Variants in CLK2 observed in about 807,000 individuals in gnomAD.
CLK2 encodes the protein CDC like kinase 2, also known as dual specificity protein kinase CLK2.
In CLK2, 12 loss-of-function variants were observed where a neutral mutation model predicts 73.5. That is an observed-to-expected ratio of 0.16 (90% CI 0.10 to 0.26). CLK2 has a LOEUF of 0.26. CLK2 is among the 10% of genes least tolerant of loss of function. The probability of loss-of-function intolerance (pLI) is 1.00; values close to 1 mark genes in which losing one functional copy is unlikely to be tolerated. For synonymous variants in CLK2, 232 were observed against 237.9 expected, an observed-to-expected ratio of 0.98 and a Z score of 0.23; for missense variants, 509 against 688.4, an observed-to-expected ratio of 0.74 and a Z score of 2.92.
Position 155,268,900 on chromosome 1 carries a change from G to T in CLK2, c.400-105C>A. 1.4e-6 allele frequency: 1 copy of T among 710,272 alleles called. No individual in the cohort carries two copies. 44.0% of individuals were successfully genotyped at this position (710,272 alleles called of 1,614,324 possible). A position where few individuals can be genotyped will look rare whatever the true frequency, so the allele number is the denominator to read the frequency against. On this transcript the variant is annotated intron_variant, in intron 3 of 12. Coordinates refer to ENST00000368361, the MANE Select transcript of CLK2 (RefSeq NM_001294338.2). This position sits in a 1 kb window ranked among gnomAD's most constrained non-coding sequence, Gnocchi z 5.6. Reference sequence around the variant, plus strand: ...GTCACCGGTCACAGGCGCCCAGCCAGGGGGGACAGACGATGATGGGGGACA... The same window carrying T: ...GTCACCGGTCACAGGCGCCCAGCCATGGGGGACAGACGATGATGGGGGACA...
At chr1:155,263,499 T>A (rs1306269768) in intron 12 of CLK2, 99 bp from the exon 13 acceptor site, 1 of 1,498,098 alleles carries the variant, frequency 6.7e-7, no homozygotes, top group Non-Finnish European at 8.9e-7. Flanking sequence ...AAGGCTCTGC[T>A]TGCAACCAAT....
intron 6 of CLK2, 118 bp from the exon 7 acceptor site, chr1:155,267,013 A>G: frequency 8.7e-7 from 1 of 1,146,158 alleles, no homozygotes; most frequent in South Asian, 1.5e-5. Context: ...AAACCATGCC[A>G]GCTAGTACTA....
chr1:155,264,119 G>C lies in CLK2; in HGVS notation c.1227-79C>G. 2.6e-6 allele frequency: 4 copies of C among 1,545,834 alleles called. No homozygotes were observed. In the South Asian group the frequency reaches 3.3e-5, roughly 13 times the overall value. ...CTTATTTCCCCATCTGAAAGTAACT[G>C]GGGGGAGAGGAGGTATCAAAGAAAA... is the stretch of plus-strand genomic sequence containing the variant. On this transcript the variant is annotated intron_variant, in intron 11 of 12. Transcript: ENST00000368361.
At chr1:155,266,254 T>G (rs914703478) in intron 7 of CLK2, among the ~76,000 whole-genome samples, 21 of 152,224 alleles carry the variant, frequency 1.4e-4, no homozygotes, top group African/African-American at 5.1e-4. Flanking sequence ...TCTGTGAAAC[T>G]GTATTATTTT....
chr1:155,269,540 C>T lies in CLK2; in HGVS notation c.347G>A (p.Arg116Lys). Reference protein sequence around the residue: ...SSYRSQRSSRRKHRRRRRRSR... With the variant: ...SSYRSQRSSRKKHRRRRRRSR... Reference sequence around the variant, plus strand: ...GCGCCTCCTCCGCCGTCTGTGCTTCCTCCGGCTGCTGCGCTGGCTGCGGTA... The same window carrying T: ...GCGCCTCCTCCGCCGTCTGTGCTTCTTCCGGCTGCTGCGCTGGCTGCGGTA... Residue 116 changes from arginine (R) to lysine (K), a missense_variant, in exon 3 of 13, where the codon AGG becomes AAG. Arg to Lys is a conservative substitution (Grantham distance 26). Transcript: ENST00000368361. 1 of 1,614,144 alleles carries T rather than the reference C, an allele frequency of 6.2e-7. No homozygotes were observed. Among genetic ancestry groups the T allele is most frequent in the South Asian group, 1.1e-5 (1 of 91,082 alleles).
chr1:155,268,177 A>C lies in CLK2; in HGVS notation c.555-51T>G. 1 of 1,578,018 alleles carries C rather than the reference A, an allele frequency of 6.3e-7. No individual in the cohort carries two copies. Among genetic ancestry groups the C allele is most frequent in the Non-Finnish European group, 8.7e-7 (1 of 1,147,106 alleles). Reference sequence around the variant, plus strand: ...GCTGGGTTCTCAAGAATGTCTCAAAATGAACAGGGCTGTAGGGGGACTAAG... The same window carrying C: ...GCTGGGTTCTCAAGAATGTCTCAAACTGAACAGGGCTGTAGGGGGACTAAG... On this transcript the variant is annotated intron_variant, in intron 5 of 12. Transcript: ENST00000368361. This position sits in a 1 kb window ranked among gnomAD's most constrained non-coding sequence, Gnocchi z 5.6.
chr1:155,268,299 T>C lies in CLK2; in HGVS notation c.548A>G (p.His183Arg). 1 of 1,614,088 alleles carries C rather than the reference T, an allele frequency of 6.2e-7. No homozygotes were observed. Among genetic ancestry groups the C allele is most frequent in the Non-Finnish European group, 8.5e-7 (1 of 1,179,932 alleles). Reference protein sequence around the residue: ...TFGRVVQCVDHRRGGARVALK... With the variant: ...TFGRVVQCVDRRRGGARVALK... The stretch of plus-strand genomic sequence containing the variant: ...GGGAGGGACTGACAGTTACCTGCGA[T>C]GGTCAACACATTGTACAACTCGGCC... The change falls in exon 5 of 13, where the codon CAT becomes CGT. Residue 183 changes from histidine (H) to arginine (R), a missense_variant. By Grantham distance (29) the His-to-Arg change is conservative. This residue lies in a region of CLK2 where 76 missense variants were observed against 126.4 expected (regional missense o/e 0.60). Transcript: ENST00000368361. This position sits in a 1 kb window ranked among gnomAD's most constrained non-coding sequence, Gnocchi z 5.6.
At position 155,268,210 on chromosome 1, in the gene CLK2, A is replaced by T; in HGVS notation, c.554+83T>A. On this transcript the variant is annotated intron_variant, in intron 5 of 12. Transcript: ENST00000368361. This position sits in a 1 kb window ranked among gnomAD's most constrained non-coding sequence, Gnocchi z 5.6. Reference sequence around the variant, plus strand: ...GGCTGTAGGGGGACTAAGAAATTCTACCTCAGGTTAATTAGCAAAAAAGCC... The same window carrying T: ...GGCTGTAGGGGGACTAAGAAATTCTTCCTCAGGTTAATTAGCAAAAAAGCC... 1 of 1,554,978 alleles carries T rather than the reference A, an allele frequency of 6.4e-7. No homozygotes were observed. The highest frequency in any genetic ancestry group is 8.9e-7 in the Non-Finnish European group (1 of 1,126,464).
rs1572017648 is a variant in CLK2 at position 155,268,178 on chromosome 1, T to C, written c.555-52A>G. 6.4e-7 allele frequency: 1 copy of C among 1,574,582 alleles called. No individual in the cohort carries two copies. Among genetic ancestry groups the C allele is most frequent in the Non-Finnish European group, 8.7e-7 (1 of 1,144,068 alleles). On this transcript the variant is annotated intron_variant, in intron 5 of 12. Coordinates refer to ENST00000368361, the MANE Select transcript of CLK2 (RefSeq NM_001294338.2). This position sits in a 1 kb window ranked among gnomAD's most constrained non-coding sequence, Gnocchi z 5.6. The stretch of plus-strand genomic sequence containing the variant: ...CTGGGTTCTCAAGAATGTCTCAAAA[T>C]GAACAGGGCTGTAGGGGGACTAAGA...
chr1:155,269,824 CTG>C, intron 2 of CLK2, 108 bp from the exon 3 acceptor site: 1 of 1,034,714 alleles, frequency 9.7e-7, no homozygotes, highest in Non-Finnish European at 1.5e-6. Flanking sequence ...TGCTAGAAAA[CTG>C]TTCTCAGACA....
intron 7 of CLK2, 141 bp from the exon 8 acceptor site, chr1:155,266,095 CT>C (rs1362971718): frequency 3.0e-6 from 2 of 660,902 alleles, no homozygotes; most frequent in African/African-American, 3.6e-5. Flanking sequence ...TGCTCTACGT[CT>C]AAATGGAATG....
Position 155,269,525 on chromosome 1 carries a change from C to T in CLK2, c.362G>A (p.Arg121Gln), listed in dbSNP as rs201854491. The part of the protein sequence containing the change: ...QRSSRRKHRR[R>Q]RRRSRTFSRS... ...GCTAAATGTCCGGCTGCGCCTCCTC[C>T]GCCGTCTGTGCTTCCTCCGGCTGCT... Residue 121 changes from arginine (R) to glutamine (Q), a missense_variant, in exon 3 of 13, where the codon CGG (arginine) becomes CAG (glutamine). By Grantham distance (43) the Arg-to-Gln change is conservative. Transcript: ENST00000368361. The T allele has an allele frequency of 2.4e-5, 38 of 1,613,884 alleles. No individual in the cohort carries two copies. The African/African-American group carries it at 3.1e-4, about 13-fold the overall frequency.
intron 1 of CLK2, 46 bp from the exon 2 acceptor site, chr1:155,271,023 G>C: frequency 6.3e-7 from 1 of 1,585,050 alleles, no homozygotes; most frequent in Non-Finnish European, 8.7e-7. Flanking sequence ...CGAGTTTTCA[G>C]AAATCTCCTC....
chr1:155,264,164 G>C (rs1673119856), intron 11 of CLK2, 57 bp downstream of exon 11: 1 of 1,594,108 alleles, frequency 6.3e-7, no homozygotes. Flanking sequence ...ATGTGAAATA[G>C]ACCAATTCTG....
Position 155,270,880 on chromosome 1 carries a change from C to G in CLK2, c.98G>C (p.Arg33Pro). The change falls in exon 2 of 13, where the codon CGC (arginine) becomes CCC (proline). Residue 33 changes from arginine (R) to proline (P), a missense_variant. This residue lies in a region of CLK2 where 222 missense variants were observed against 221.7 expected (regional missense o/e 1.00). Coordinates refer to ENST00000368361, the MANE Select transcript of CLK2 (RefSeq NM_001294338.2). ...CCGGTCACTACTACTTGACCAGGAG[C>G]GACTTCTTCGTCGCTTATGCTTTCG... ...RSRKHKRRRSRSWSSSSDRTR... is the reference protein window; with the variant it reads ...RSRKHKRRRSPSWSSSSDRTR... The G allele has an allele frequency of 6.2e-7, 1 of 1,614,182 alleles. No individual in the cohort carries two copies. The highest frequency in any genetic ancestry group is 1.3e-5 in the African/African-American group (1 of 75,042).
chr1:155,263,918 G>A (rs375098802), intron 12 of CLK2, 32 bp downstream of exon 12: 28 of 1,596,522 alleles, frequency 1.8e-5, no homozygotes, highest in Admixed American at 1.0e-4. Context: ...ACTTCTGGAC[G>A]GTGGGCACTA....
rs1673344522 is a variant in CLK2, at chr1:155,268,726, C to T, written c.469G>A (p.Asp157Asn). The change falls in exon 4 of 13, where the codon GAC becomes AAC. Residue 157 changes from aspartate (D) to asparagine (N), a missense_variant. By Grantham distance (23) the Asp-to-Asn change is conservative. Transcript: ENST00000368361. The surrounding 1 kb of genome is among the most constrained non-coding windows in gnomAD (Gnocchi z 5.6). ...CTTGTACATCGCTCTTGTAGCCAGTCCCCGACGTGGTAGATGAGGTGGCCC... is the reference window on the plus strand; with the variant it reads ...CTTGTACATCGCTCTTGTAGCCAGTTCCCGACGTGGTAGATGAGGTGGCCC... ...AEGHLIYHVG[D>N]WLQERYEIVS... 1 of 1,613,898 alleles carries T rather than the reference C, an allele frequency of 6.2e-7. No homozygotes were observed. The highest frequency in any genetic ancestry group is 1.3e-5 in the African/African-American group (1 of 74,946).
At chr1:155,266,130 T>TA (rs1673221551) in intron 7 of CLK2, among the ~76,000 whole-genome samples, 176 bp from the exon 8 acceptor site, 5 of 151,914 alleles carry the variant, frequency 3.3e-5, no homozygotes, top group African/African-American at 1.2e-4. Flanking sequence ...GCTCTGCTCT[T>TA]TCTAATGTAA....
chr1:155,268,139 A>G lies in CLK2; in HGVS notation c.555-13T>C, dbSNP rs1390111284. The G allele has an allele frequency of 6.2e-7, 1 of 1,609,924 alleles. No homozygotes were observed. The highest frequency in any genetic ancestry group is 2.2e-5 in the East Asian group (1 of 44,870). Reference sequence around the variant, plus strand: ...TCGAGCCCCACCCCTGTAAGTTGGCAGGAGAGGCTTTTGCTGGGTTCTCAA... The same window carrying G: ...TCGAGCCCCACCCCTGTAAGTTGGCGGGAGAGGCTTTTGCTGGGTTCTCAA... On this transcript the variant is annotated splice_polypyrimidine_tract_variant and intron_variant, in intron 5 of 12. Transcript: ENST00000368361. This position sits in a 1 kb window ranked among gnomAD's most constrained non-coding sequence, Gnocchi z 5.6.
Sources: gnomAD v4.1 joint callset for allele counts (sites outside exome capture counted in the v4.1 genomes callset) on GRCh38, gnomAD v4.1.1 for gene constraint, gnomAD v4.1.1 regional missense constraint, Gnocchi (gnomAD v3.1) non-coding constraint, MANE v1.5 for transcripts, NCBI Gene and HGNC (gene_info 2026-07-23, HGNC 2026-07-21) for gene names.